HGSNAT: variants seen among roughly 807,000 people sequenced by gnomAD.
HGSNAT encodes transmembrane protein 76.
Under a neutral mutation model 85.2 loss-of-function variants are expected in HGSNAT, and 59 were observed. The ratio of observed to expected loss-of-function variants is 0.69; its 90% confidence interval spans 0.56 to 0.86. The LOEUF (loss-of-function observed/expected upper bound fraction) is 0.86. Among genes scored for constraint, HGSNAT ranks in the 40% least tolerant of loss-of-function variants. HGSNAT has a pLI of 0.00. For missense variants in HGSNAT, 756 were observed against 777.1 expected (o/e 0.97, Z 0.32); for synonymous variants, 321 against 304.5 (o/e 1.05, Z -0.56).
chr8:43,190,899 A>G (rs1366498664), intron 11 of HGSNAT, among the ~76,000 whole-genome samples: 1 of 152,140 alleles, frequency 6.6e-6, no homozygotes, highest in Non-Finnish European at 1.5e-5. Context: ...ACTAACCGCC[A>G]GTCACTCCCC....
rs1229423417 is a variant in HGSNAT, at chr8:43,140,547, G to A, written c.51G>A (p.Val17=). ...CCGCGCTGCTGCTGGCCGCGTCCGT[G>A]CTGAGCGCCGCGCTGCTGGCCCCCG... ...ALAALLLAAS[V]LSAALLAPGG... Residue 17 remains valine, a synonymous_variant, in exon 1 of 18, where the codon GTG becomes GTA. Coordinates refer to ENST00000379644, the MANE Select transcript of HGSNAT (RefSeq NM_152419.3). 2 of 1,178,342 alleles carry A rather than the reference G, an allele frequency of 1.7e-6. No homozygotes were observed. Among genetic ancestry groups the A allele is most frequent in the Non-Finnish European group, 2.1e-6 (2 of 953,050 alleles). The allele number at this position is 1,178,342 out of a possible 1,614,324, so 73.0% of individuals were successfully genotyped here.
chr8:43,160,250 T>C (rs1426247122), intron 4 of HGSNAT, among the ~76,000 whole-genome samples: 3 of 152,222 alleles, frequency 2.0e-5, no homozygotes, highest in Non-Finnish European at 4.4e-5. Flanking sequence ...AGATAGTCCC[T>C]GTTGAGGGAA....
chr8:43,169,270 C>G, intron 6 of HGSNAT, 28 bp downstream of exon 6: 1 of 1,409,758 alleles, frequency 7.1e-7, no homozygotes, highest in Non-Finnish European at 9.7e-7. Context: ...TAGTGTATTG[C>G]CCAGGTGGTT....
At chr8:43,165,439 C>T (rs1803403707) in intron 5 of HGSNAT, among the ~76,000 whole-genome samples, 1 of 152,262 alleles carries the variant, frequency 6.6e-6, no homozygotes, top group African/African-American at 2.4e-5. Context: ...AATTATCCTA[C>T]AGTGGCTTCT....
At chr8:43,148,646 C>T (rs905421428) in intron 2 of HGSNAT, among the ~76,000 whole-genome samples, 5 of 150,966 alleles carry the variant, frequency 3.3e-5, no homozygotes, top group Admixed American at 1.3e-4. Context: ...AAAAATTACC[C>T]GGGCATGGTA....
intron 14 of HGSNAT, chr8:43,194,549 A>T: frequency 1.0e-6 from 1 of 970,136 alleles, no homozygotes; most frequent in Non-Finnish European, 1.2e-6. Flanking sequence ...AGACTGGGTA[A>T]TTCATAAAGA....
intron 2 of HGSNAT, among the ~76,000 whole-genome samples, chr8:43,157,555 C>T (rs1180247777): frequency 2.6e-5 from 4 of 152,074 alleles, no homozygotes; most frequent in Non-Finnish European, 5.9e-5. Flanking sequence ...GCAGGTGCAT[C>T]ACCTGAGTTC....
intron 10 of HGSNAT, among the ~76,000 whole-genome samples, chr8:43,179,776 T>A (rs2130773391): frequency 3.9e-5 from 1 of 25,386 alleles, no homozygotes; most frequent in African/African-American, 2.0e-4. Flanking sequence ...CACTTCCCAG[T>A]AGGGGCGGCC....
chr8:43,170,972 A>G (rs1803606886), intron 7 of HGSNAT, among the ~76,000 whole-genome samples: 2 of 152,156 alleles, frequency 1.3e-5, no homozygotes, highest in South Asian at 4.1e-4. Flanking sequence ...TTATTTGGGC[A>G]AGTCGCTGTT....
Position 43,152,737 on chromosome 8 carries a change from G to A in HGSNAT, c.234+5674G>A, listed in dbSNP as rs1380914090. Among the ~76,000 whole-genome samples, 8 of 152,192 alleles carry A rather than the reference G, an allele frequency of 5.3e-5. No individual in the cohort carries two copies. The South Asian group carries it at 8.3e-4, about 16-fold the overall frequency. On this transcript the variant is annotated intron_variant, in intron 2 of 17. Transcript: ENST00000379644. ...CTCCCAAAGTGCTAGAATTACAGGC[G>A]TGAACCACAGATCTGGATGAAAATG...
intron 5 of HGSNAT, among the ~76,000 whole-genome samples, chr8:43,164,832 C>T (rs920386640): frequency 8.6e-5 from 13 of 151,972 alleles, no homozygotes; most frequent in South Asian, 4.1e-4. Context: ...TTTACTCAAA[C>T]GCTTAGAAGC....
rs1218241477 is a variant in HGSNAT at position 43,191,527 on chromosome 8, G to A, written c.1182G>A (p.Leu394=). Residue 394 remains leucine, a synonymous_variant, in exon 12 of 18, where the codon CTG becomes CTA. Transcript: ENST00000379644. ...TCACGTCCAGCTGGCCCCAGTGGCTGCTCATCCTGGTGCTGGAAGGCCTGT... is the reference window on the plus strand; with the variant it reads ...TCACGTCCAGCTGGCCCCAGTGGCTACTCATCCTGGTGCTGGAAGGCCTGT... ...RDITSSWPQW[L]LILVLEGLWL... 1 of 1,614,026 alleles carries A rather than the reference G, an allele frequency of 6.2e-7. No individual in the cohort carries two copies. The highest frequency in any genetic ancestry group is 1.3e-5 in the African/African-American group (1 of 75,052).
intron 1 of HGSNAT, 59 bp downstream of exon 1, chr8:43,140,673 C>A: frequency 1.2e-6 from 1 of 859,450 alleles, no homozygotes; most frequent in Non-Finnish European, 1.5e-6. Context: ...CTCCTCTCCG[C>A]GGCGCCGCCC....
intron 7 of HGSNAT, among the ~76,000 whole-genome samples, 158 bp from the exon 8 acceptor site, chr8:43,172,152 C>T (rs568969591): frequency 2.0e-5 from 3 of 152,314 alleles, no homozygotes; most frequent in East Asian, 3.9e-4. Context: ...AGAAAATAAT[C>T]GCTTCTTGGC....
chr8:43,195,776 G>T, intron 14 of HGSNAT: 1 of 160,948 alleles, frequency 6.2e-6, no homozygotes, highest in South Asian at 1.6e-4. Flanking sequence ...GGAAGAAGAG[G>T]AGGAGGAGGG....
chr8:43,170,686 C>A lies in HGSNAT; in HGVS notation c.735C>A (p.Thr245=). 1.3e-6 allele frequency: 2 copies of A among 1,597,680 alleles called. No homozygotes were observed. The highest frequency in any genetic ancestry group is 1.7e-6 in the Non-Finnish European group (2 of 1,172,484). ...ALPPRLRSVD[T]FRGIALILMV... is the part of the protein sequence containing the mutation. The stretch of plus-strand genomic sequence containing the variant: ...CGCCCCGCCTCCGCAGCGTGGACAC[C>A]TTCAGGGGGTATGTGGGCCTCCCTG... The change falls in exon 7 of 18, where the codon ACC becomes ACA. Residue 245 remains threonine, a synonymous_variant. Coordinates refer to ENST00000379644, the MANE Select transcript of HGSNAT (RefSeq NM_152419.3).
intron 5 of HGSNAT, among the ~76,000 whole-genome samples, chr8:43,166,537 C>T (rs987222501): frequency 2.0e-5 from 3 of 152,200 alleles, no homozygotes; most frequent in African/African-American, 7.2e-5. Flanking sequence ...CATCTGTTTA[C>T]AGCGTGGCTT....
chr8:43,155,968 G>A (rs1159958743), intron 2 of HGSNAT, among the ~76,000 whole-genome samples: 4 of 152,008 alleles, frequency 2.6e-5, no homozygotes, highest in African/African-American at 9.7e-5. Flanking sequence ...AGCCTCCTGA[G>A]TAGCTGGGAT....
Position 43,199,509 on chromosome 8 carries a change from T to C in HGSNAT, c.1848T>C (p.Thr616=). ...KEHLTQNIVA[T]ALWVLIAYIL... ...ACCTGACTCAGAACATCGTCGCCAC[T>C]GCCCTCTGGGTGCTCATTGCCTACA... The change falls in exon 18 of 18, where the codon ACT becomes ACC. Residue 616 remains threonine, a synonymous_variant. Coordinates refer to ENST00000379644, the MANE Select transcript of HGSNAT (RefSeq NM_152419.3). 1 of 1,610,648 alleles carries C rather than the reference T, an allele frequency of 6.2e-7. No individual in the cohort carries two copies. The highest frequency in any genetic ancestry group is 8.5e-7 in the Non-Finnish European group (1 of 1,178,238).
Sources: allele counts gnomAD v4.1 joint callset (sites outside exome capture counted in the v4.1 genomes callset), GRCh38; gene constraint gnomAD v4.1.1; transcripts MANE v1.5; gene names NCBI Gene and HGNC (gene_info 2026-07-23, HGNC 2026-07-21).